SAMD4A: variants seen among roughly 807,000 people sequenced by gnomAD.
SAMD4A encodes protein Smaug homolog 1.
Under a neutral mutation model 81.3 loss-of-function variants are expected in SAMD4A, and 33 were observed. The ratio of observed to expected loss-of-function variants is 0.41; its 90% CI spans 0.31 to 0.54. The LOEUF (loss-of-function observed/expected upper bound fraction) is 0.54, where lower values mean the gene tolerates loss of function less well. Ranked by LOEUF, SAMD4A falls within the 20% of genes least tolerant of loss-of-function variation. SAMD4A has a pLI of 0.37. For synonymous variants in SAMD4A, 389 were observed against 382.1 expected, an observed-to-expected ratio of 1.02 and a Z score of -0.21; for missense variants, 854 against 951.1, an observed-to-expected ratio of 0.90 and a Z score of 1.34.
At chr14:54,746,766 C>T (rs560990361) in intron 4 of SAMD4A, among the ~76,000 whole-genome samples, 10 of 152,266 alleles carry the variant, frequency 6.6e-5, no homozygotes, top group Non-Finnish European at 1.3e-4. Context: ...ATGAATTGTG[C>T]CCAAGAGCAG....
At chr14:54,628,896 A>G (rs1171282314) in intron 2 of SAMD4A, among the ~76,000 whole-genome samples, 1 of 152,100 alleles carries the variant, frequency 6.6e-6, no homozygotes, top group Non-Finnish European at 1.5e-5. Context: ...TGTTCAAGGA[A>G]CCTTAACTGT....
At chr14:54,714,988 G>A (rs983382285) in intron 3 of SAMD4A, among the ~76,000 whole-genome samples, 1 of 152,192 alleles carries the variant, frequency 6.6e-6, no homozygotes, top group East Asian at 1.9e-4. Flanking sequence ...ATAATAAAGA[G>A]TAAGGTAAAA....
At chr14:54,575,776 G>A (rs901848557) in intron 2 of SAMD4A, among the ~76,000 whole-genome samples, 2 of 152,094 alleles carry the variant, frequency 1.3e-5, no homozygotes, top group Admixed American at 1.3e-4. Flanking sequence ...TTTTAGTTTG[G>A]TAGTGTGGTC....
intron 2 of SAMD4A, among the ~76,000 whole-genome samples, chr14:54,585,785 G>C (rs183585659): frequency 6.6e-6 from 1 of 152,214 alleles, no homozygotes; most frequent in African/African-American, 2.4e-5. Flanking sequence ...TCATTTTCAT[G>C]GCTGAGTAGT....
intron 2 of SAMD4A, among the ~76,000 whole-genome samples, chr14:54,612,789 G>A (rs2034392856): frequency 6.6e-6 from 1 of 152,108 alleles, no homozygotes. Context: ...GACTACCCGA[G>A]GCAGTCAGTA....
intron 2 of SAMD4A, among the ~76,000 whole-genome samples, chr14:54,595,767 G>T (rs2033895808): frequency 6.6e-6 from 1 of 152,150 alleles, no homozygotes; most frequent in Non-Finnish European, 1.5e-5. Flanking sequence ...TCTTATGTGG[G>T]CATTTTAGGA....
intron 2 of SAMD4A, among the ~76,000 whole-genome samples, chr14:54,572,552 C>T (rs1277022936): frequency 3.9e-5 from 6 of 152,082 alleles, no homozygotes; most frequent in South Asian, 4.1e-4. Flanking sequence ...GGTTGCTGTC[C>T]GCATTGGCAT....
At chr14:54,680,270 C>T (rs897933138) in intron 2 of SAMD4A, among the ~76,000 whole-genome samples, 3 of 152,192 alleles carry the variant, frequency 2.0e-5, no homozygotes, top group Non-Finnish European at 4.4e-5. Context: ...TGAAAAAAGT[C>T]ACTGCTCAGA....
At position 54,712,110 on chromosome 14, in the gene SAMD4A, C is replaced by T. The variant is rs553460548; in HGVS notation, c.715+9530C>T. 2.0e-5 allele frequency among the ~76,000 whole-genome samples: 3 copies of T among 152,262 alleles called. No individual in the cohort carries two copies. The East Asian group carries it at 5.8e-4, about 29-fold the overall frequency. On this transcript the variant is annotated intron_variant, in intron 3 of 12. Coordinates refer to ENST00000554335, the MANE Select transcript of SAMD4A (RefSeq NM_015589.6). ...AAGGAAAGAGGCCTTTGCAAATGGC[C>T]TCTTGGAACCTAAAAAGGAAGGGTG...
intron 2 of SAMD4A, among the ~76,000 whole-genome samples, chr14:54,678,370 G>A (rs1317262040): frequency 6.6e-6 from 1 of 151,872 alleles, no homozygotes; most frequent in African/African-American, 2.4e-5. Context: ...GAATTTAAAA[G>A]TGACCTTCCT....
At chr14:54,678,774 T>G (rs2036059890) in intron 2 of SAMD4A, among the ~76,000 whole-genome samples, 1 of 152,114 alleles carries the variant, frequency 6.6e-6, no homozygotes, top group Non-Finnish European at 1.5e-5. Context: ...GGTCTCGATC[T>G]CCTGACCTCG....
At chr14:54,634,763 A>G (rs4026628) in intron 2 of SAMD4A, among the ~76,000 whole-genome samples, 50 of 149,168 alleles carry the variant, frequency 3.4e-4, no homozygotes, top group Non-Finnish European at 4.6e-4. Context: ...CTGTCTGTCT[A>G]TCTATCTATC....
At chr14:54,685,280 C>CT (rs891845004) in intron 2 of SAMD4A, among the ~76,000 whole-genome samples, 2 of 148,380 alleles carry the variant, frequency 1.3e-5, no homozygotes, top group Non-Finnish European at 3.0e-5. Context: ...TCCTGCCCCC[C>CT]CCCCCAGCTC....
intron 3 of SAMD4A, among the ~76,000 whole-genome samples, chr14:54,716,461 C>T (rs1459924106): frequency 6.6e-6 from 1 of 152,122 alleles, no homozygotes; most frequent in Non-Finnish European, 1.5e-5. Flanking sequence ...GGAGACAAAA[C>T]ACATATTACA....
chr14:54,571,111 G>A (rs899683716), intron 2 of SAMD4A, among the ~76,000 whole-genome samples: 16 of 152,214 alleles, frequency 1.1e-4, no homozygotes, highest in Middle Eastern at 3.4e-3. Context: ...GATATCCTGC[G>A]CATTAAACAT....
chr14:54,570,101 A>G (rs895753511), intron 2 of SAMD4A, among the ~76,000 whole-genome samples: 2 of 152,204 alleles, frequency 1.3e-5, no homozygotes, highest in South Asian at 4.1e-4. Flanking sequence ...ATTGTGTAAG[A>G]TAGGAACTGG....
At position 54,792,001 on chromosome 14, in the gene SAMD4A, A is replaced by G. The variant is rs1164999314; in HGVS notation, c.*3057A>G. On this transcript the variant is annotated 3_prime_UTR_variant, in exon 13 of 13. Transcript: ENST00000554335. ...TAAGCAGTGTGTACTTGGCATCTCT[A>G]CATTGTCCTAGGGACAGTGGTGTTC... 6.6e-6 allele frequency: 1 copy of G among 152,236 alleles called. No homozygotes were observed. Among genetic ancestry groups the G allele is most frequent in the East Asian group, 1.9e-4 (1 of 5,202 alleles). 9.4% of individuals were successfully genotyped at this position (152,236 alleles called of 1,614,324 possible).
intron 2 of SAMD4A, among the ~76,000 whole-genome samples, chr14:54,638,555 C>T (rs115305736): frequency 0.023 from 3,423 of 152,110 alleles, 132 homozygotes; most frequent in African/African-American, 0.079. Context: ...TGTTAAATTC[C>T]CTGATTTAAA....
intron 2 of SAMD4A, among the ~76,000 whole-genome samples, chr14:54,646,041 A>G (rs1405090248): frequency 6.6e-6 from 1 of 152,226 alleles, no homozygotes; most frequent in African/African-American, 2.4e-5. Context: ...AACTCTTCCT[A>G]TGGAGGCCAA....
Sources: allele counts gnomAD v4.1 joint callset (sites outside exome capture counted in the v4.1 genomes callset), GRCh38; gene constraint gnomAD v4.1.1; transcripts MANE v1.5; gene names NCBI Gene and HGNC (gene_info 2026-07-23, HGNC 2026-07-21).